The following RHOT1 variants were observed in gnomAD, a reference collection of about 807,000 sequenced individuals.
The protein encoded by RHOT1 is ras homolog family member T1.
A neutral mutation model predicts 95.3 loss-of-function variants in RHOT1; 27 were observed. That is an observed-to-expected ratio of 0.28 (90% CI 0.21 to 0.39). The LOEUF (loss-of-function observed/expected upper bound fraction) is 0.39, where lower values mean the gene tolerates loss of function less well. Among genes scored for constraint, RHOT1 ranks in the 10% least tolerant of loss-of-function variants. The pLI is 1.00. For missense variants in RHOT1, 578 were observed against 786.7 expected (o/e 0.73, Z 3.17); for synonymous variants, 227 against 263.5 (o/e 0.86, Z 1.34).
intron 1 of RHOT1, among the ~76,000 whole-genome samples, chr17:32,143,556 C>T (rs2030786630): frequency 6.6e-6 from 1 of 152,174 alleles, no homozygotes; most frequent in Non-Finnish European, 1.5e-5. Flanking sequence ...TAACCACAGG[C>T]ACACAGACAT....
At position 32,151,160 on chromosome 17, in the gene RHOT1, T is replaced by C. The variant is rs73989708; in HGVS notation, c.37+8431T>C. 3.1e-4 allele frequency: 248 copies of C among 794,142 alleles called. No individual in the cohort carries two copies. In the African/African-American group the frequency reaches 3.8e-3, roughly 12 times the overall value. 49.2% of individuals were successfully genotyped at this position (794,142 alleles called of 1,614,324 possible). A position where few individuals can be genotyped will look rare whatever the true frequency, so the allele number is the denominator to read the frequency against. The stretch of plus-strand genomic sequence containing the variant: ...GTTCTTTACTGTTGACTCTGGTAGG[T>C]TGAGTTTCAAAGCTAGTTTCTCCTG... On this transcript the variant is annotated intron_variant, in intron 1 of 19. Transcript: ENST00000545287.
intron 8 of RHOT1, among the ~76,000 whole-genome samples, chr17:32,189,496 T>C (rs72825802): frequency 0.024 from 3,618 of 152,240 alleles, 62 homozygotes; most frequent in Middle Eastern, 0.034. Context: ...AGTTTTTTAA[T>C]TGTTACTTTG....
At position 32,146,612 on chromosome 17, in the gene RHOT1, A is replaced by ATT. The variant is rs778057684; in HGVS notation, c.37+3901_37+3902dup. 8.7e-3 allele frequency among the ~76,000 whole-genome samples: 1,108 copies of ATT among 127,424 alleles called. 20 individuals carry two copies. Among genetic ancestry groups the ATT allele is most frequent in the African/African-American group, 0.03 (1,031 of 33,924 alleles). The allele number at this position is 127,424 out of a possible 152,430, so 83.6% of individuals were successfully genotyped here. A position where few individuals can be genotyped will look rare whatever the true frequency, so the allele number is the denominator to read the frequency against. ...AGGTGCCCACCACCACGCCCGGCTA[A>ATT]TTTTTTTTTTTTTTTTTTTGTATTT... On this transcript the variant is annotated intron_variant, in intron 1 of 19. Transcript: ENST00000545287.
Position 32,205,830 on chromosome 17 carries a change from GC to G in RHOT1, c.1417-1078del, listed in dbSNP as rs1340095244. On this transcript the variant is annotated intron_variant, in intron 16 of 19. Transcript: ENST00000545287. The stretch of plus-strand genomic sequence containing the variant: ...CAAAGTGCTGGGATTACAGGTGTGA[GC>G]CACAGTGCCCACCCCTGAATTTTAC... Among the ~76,000 whole-genome samples, 6 of 152,184 alleles carry G rather than the reference GC, an allele frequency of 3.9e-5. No individual in the cohort carries two copies. The East Asian group carries it at 1.2e-3, about 29-fold the overall frequency.
At chr17:32,223,219 C>G (rs1190825819) in intron 19 of RHOT1, among the ~76,000 whole-genome samples, 1 of 142,234 alleles carries the variant, frequency 7.0e-6, no homozygotes, top group Non-Finnish European at 1.5e-5. Context: ...GATAACTAAT[C>G]TGTTCTCTTT....
intron 1 of RHOT1, among the ~76,000 whole-genome samples, chr17:32,169,896 C>G (rs1488089147): frequency 6.6e-6 from 1 of 151,926 alleles, no homozygotes; most frequent in Non-Finnish European, 1.5e-5. Context: ...GTAGTCCCAG[C>G]TACTCGGGAG....
chr17:32,173,816 T>G lies in RHOT1; in HGVS notation c.97-15T>G. 6.4e-7 allele frequency: 1 copy of G among 1,569,102 alleles called. No homozygotes were observed. The highest frequency in any genetic ancestry group is 8.7e-7 in the Non-Finnish European group (1 of 1,152,024). ...AAAGGTGTTTTTTTTTTTCTATATT[T>G]GTTTGTAAATGAAGGTTCCTCCCCG... On this transcript the variant is annotated splice_polypyrimidine_tract_variant and intron_variant, in intron 2 of 19. Transcript: ENST00000545287.
At chr17:32,145,304 A>T (rs1001348015) in intron 1 of RHOT1, among the ~76,000 whole-genome samples, 19 of 151,760 alleles carry the variant, frequency 1.3e-4, no homozygotes, top group South Asian at 4.2e-4. Context: ...TGTCTCAAAA[A>T]ATATATATAT....
rs111929490 is a variant in RHOT1, at chr17:32,147,777, G to A, written c.37+5048G>A. 7.6e-3 allele frequency among the ~76,000 whole-genome samples: 1,138 copies of A among 149,584 alleles called. 11 individuals are homozygous for A. The highest frequency in any genetic ancestry group is 0.026 in the African/African-American group (1,068 of 40,554). On this transcript the variant is annotated intron_variant, in intron 1 of 19. Transcript: ENST00000545287. ...GGAGGGTGCAGTGAGCGGAGATTGC[G>A]CACTGCACTCCAGCCTGGGCGATAG... is the stretch of plus-strand genomic sequence containing the variant.
intron 6 of RHOT1, among the ~76,000 whole-genome samples, chr17:32,178,134 G>A (rs558361280): frequency 6.6e-4 from 100 of 151,878 alleles, no homozygotes; most frequent in Non-Finnish European, 1.2e-3. Context: ...ATGCTGAGTC[G>A]ATCGACCACC....
chr17:32,224,302 G>A (rs7225702), intron 19 of RHOT1, among the ~76,000 whole-genome samples: 6,206 of 152,074 alleles, frequency 0.041, 423 homozygotes, highest in African/African-American at 0.14. Flanking sequence ...CAACCGTAAC[G>A]GTATTATAAA....
chr17:32,196,549 G>A (rs1485982869), intron 11 of RHOT1, among the ~76,000 whole-genome samples: 2 of 152,050 alleles, frequency 1.3e-5, no homozygotes, highest in African/African-American at 4.8e-5. Flanking sequence ...TTCTCCTCAT[G>A]CACACTCCCT....
chr17:32,222,924 C>T, intron 19 of RHOT1: 1 of 974,670 alleles, frequency 1.0e-6, no homozygotes, highest in Non-Finnish European at 1.2e-6. Context: ...AATGGGTTGG[C>T]CTCGTTGGAG....
At chr17:32,196,580 T>C (rs2036907494) in intron 11 of RHOT1, among the ~76,000 whole-genome samples, 1 of 152,168 alleles carries the variant, frequency 6.6e-6, no homozygotes, top group Non-Finnish European at 1.5e-5. Context: ...TGGAAGTCAA[T>C]ACCAAACTAT....
chr17:32,193,384 TA>T, intron 10 of RHOT1, 140 bp downstream of exon 10: 1 of 652,238 alleles, frequency 1.5e-6, no homozygotes, highest in South Asian at 1.8e-5. Context: ...TTTGGATATT[TA>T]TGAGTTGGGA....
At chr17:32,154,285 TAAAA>T (rs539073195) in intron 1 of RHOT1, among the ~76,000 whole-genome samples, 2 of 124,814 alleles carry the variant, frequency 1.6e-5, no homozygotes, top group African/African-American at 6.2e-5. Flanking sequence ...TACGAGAAAT[TAAAA>T]AAAAAAAAAG....
intron 18 of RHOT1, among the ~76,000 whole-genome samples, chr17:32,209,939 CAAAAAAAATGA>C (rs1022024609): frequency 1.5e-4 from 20 of 135,382 alleles, no homozygotes; most frequent in South Asian, 4.6e-4. Flanking sequence ...CATCACAAGT[CAAAAAAAATGA>C]AAAAAAAATG....
intron 11 of RHOT1, among the ~76,000 whole-genome samples, chr17:32,198,022 G>T (rs1043071374): frequency 6.6e-6 from 1 of 152,092 alleles, no homozygotes; most frequent in Non-Finnish European, 1.5e-5. Context: ...AGCCTACCCA[G>T]TAGCTGGGAC....
intron 2 of RHOT1, among the ~76,000 whole-genome samples, chr17:32,171,607 T>TA (rs1292229274): frequency 1.3e-5 from 2 of 152,228 alleles, no homozygotes; most frequent in East Asian, 3.8e-4. Context: ...GACCCTTTCT[T>TA]AAAAATAAAA....
Sources: allele counts gnomAD v4.1 joint callset (sites outside exome capture counted in the v4.1 genomes callset), GRCh38; gene constraint gnomAD v4.1.1; transcripts MANE v1.5; gene names NCBI Gene and HGNC (gene_info 2026-07-23, HGNC 2026-07-21).